The following IFT88 variants were observed in gnomAD, a reference collection of about 807,000 sequenced individuals.
IFT88 encodes the protein intraflagellar transport 88, also known as intraflagellar transport protein 88 homolog.
A neutral mutation model predicts 119.5 loss-of-function variants in IFT88; 74 were observed. The ratio of observed to expected loss-of-function variants is 0.62; its 90% confidence interval spans 0.51 to 0.75. The LOEUF (loss-of-function observed/expected upper bound fraction) is 0.75. Ranked by LOEUF, IFT88 falls within the 30% of genes least tolerant of loss-of-function variation. The probability of loss-of-function intolerance (pLI) is 0.00; values close to 1 mark genes in which losing one functional copy is unlikely to be tolerated. For missense variants in IFT88, 961 were observed against 977.7 expected (o/e 0.98, Z 0.23); for synonymous variants, 279 against 316.7 (o/e 0.88, Z 1.26).
rs550262697 is a variant in IFT88 at position 20,612,911 on chromosome 13, A to G, written c.1113-2882A>G. On this transcript the variant is annotated intron_variant, in intron 13 of 25. Transcript: ENST00000351808. ...TTCTCTTGCAAAAGAATGAAGTTGTACATCTCTTTCACACCATACACAAAA... is the reference window on the plus strand; with the variant it reads ...TTCTCTTGCAAAAGAATGAAGTTGTGCATCTCTTTCACACCATACACAAAA... 7.9e-4 allele frequency among the ~76,000 whole-genome samples: 121 copies of G among 152,330 alleles called. 1 individual carries two copies. Among genetic ancestry groups the G allele is most frequent in the African/African-American group, 2.9e-3 (119 of 41,576 alleles).
At chr13:20,595,794 C>T (rs1379214116) in intron 7 of IFT88, among the ~76,000 whole-genome samples, 1 of 152,000 alleles carries the variant, frequency 6.6e-6, no homozygotes, top group African/African-American at 2.4e-5. Flanking sequence ...AATCCCAGCA[C>T]TTTGGGAGGC....
At chr13:20,660,584 G>C (rs2053624196) in intron 22 of IFT88, among the ~76,000 whole-genome samples, 1 of 152,328 alleles carries the variant, frequency 6.6e-6, no homozygotes, top group South Asian at 2.1e-4. Context: ...TATTCACTTG[G>C]ACTAATGATT....
chr13:20,687,764 A>G (rs1213995270), intron 24 of IFT88, among the ~76,000 whole-genome samples: 1 of 152,228 alleles, frequency 6.6e-6, no homozygotes, highest in Non-Finnish European at 1.5e-5. Context: ...AGGAAAAAAT[A>G]AAATGAAAAA....
At chr13:20,620,635 G>A (rs148008126) in intron 14 of IFT88, among the ~76,000 whole-genome samples, 77 of 150,648 alleles carry the variant, frequency 5.1e-4, no homozygotes, top group African/African-American at 1.8e-3. Context: ...GCGCGATCTC[G>A]GCTCACTGCA....
At chr13:20,664,908 T>C (rs1215475925) in intron 23 of IFT88, among the ~76,000 whole-genome samples, 1 of 152,012 alleles carries the variant, frequency 6.6e-6, no homozygotes, top group Non-Finnish European at 1.5e-5. Context: ...TGAAACTCTG[T>C]CTCTACTAAA....
At chr13:20,640,747 T>C (rs925680425) in intron 17 of IFT88, among the ~76,000 whole-genome samples, 40 of 152,154 alleles carry the variant, frequency 2.6e-4, no homozygotes, top group African/African-American at 8.9e-4. Context: ...ATTGGTCTGT[T>C]TGTCTATTCC....
chr13:20,648,279 C>T (rs1566345789), intron 20 of IFT88, among the ~76,000 whole-genome samples: 1 of 152,080 alleles, frequency 6.6e-6, no homozygotes, highest in Non-Finnish European at 1.5e-5. Flanking sequence ...GCCTATAGTC[C>T]CAGCTACTCA....
chr13:20,681,644 T>C (rs2057331624), intron 24 of IFT88, among the ~76,000 whole-genome samples: 1 of 152,206 alleles, frequency 6.6e-6, no homozygotes, highest in Non-Finnish European at 1.5e-5. Context: ...ATGAGTAATG[T>C]AAAAAGAGTG....
In IFT88 at chr13:20,599,434, A is replaced by C; in HGVS notation, c.698-17A>C. 1 of 913,896 alleles carries C rather than the reference A, an allele frequency of 1.1e-6. No individual in the cohort carries two copies. Among genetic ancestry groups the C allele is most frequent in the South Asian group, 1.5e-5 (1 of 64,836 alleles). The allele number at this position is 913,896 out of a possible 1,614,324, so 56.6% of individuals were successfully genotyped here. ...AAAATGAGAGTATTATACATTCATT[A>C]AATTTTTTTAAATTAGGAATATTGA... On this transcript the variant is annotated splice_polypyrimidine_tract_variant and intron_variant, in intron 10 of 25. Transcript: ENST00000351808.
chr13:20,589,712 T>C (rs372991688), intron 3 of IFT88, 99 bp from the exon 4 acceptor site: 9 of 536,324 alleles, frequency 1.7e-5, no homozygotes, highest in African/African-American at 9.5e-5. Context: ...TATATAAATA[T>C]TTCTTTATTT....
chr13:20,596,444 A>G (rs2041654266), intron 8 of IFT88, among the ~76,000 whole-genome samples: 1 of 152,128 alleles, frequency 6.6e-6, no homozygotes, highest in African/African-American at 2.4e-5. Context: ...GTAATTTTTG[A>G]CATTGGCCTT....
chr13:20,635,702 C>T (rs2048921509), intron 16 of IFT88, among the ~76,000 whole-genome samples: 1 of 152,052 alleles, frequency 6.6e-6, no homozygotes, highest in Non-Finnish European at 1.5e-5. Flanking sequence ...GGGAGGAGAG[C>T]ATCATACACC....
chr13:20,668,440 G>A (rs2055149798), intron 23 of IFT88, among the ~76,000 whole-genome samples: 1 of 152,014 alleles, frequency 6.6e-6, no homozygotes, highest in African/African-American at 2.4e-5. Flanking sequence ...CTAAGGTTTT[G>A]ATAAATGTTT....
At chr13:20,671,316 T>A (rs1035054866) in intron 24 of IFT88, among the ~76,000 whole-genome samples, 2 of 152,236 alleles carry the variant, frequency 1.3e-5, no homozygotes, top group Admixed American at 1.3e-4. Flanking sequence ...TTGGACAGAT[T>A]ATCATAGATG....
chr13:20,579,820 T>G (rs2038185583), intron 2 of IFT88, among the ~76,000 whole-genome samples: 1 of 152,132 alleles, frequency 6.6e-6, no homozygotes. Context: ...TACTACCTGG[T>G]TATTGCTGCT....
intron 9 of IFT88, among the ~76,000 whole-genome samples, chr13:20,597,466 C>T (rs1046631287): frequency 3.6e-4 from 54 of 152,052 alleles, no homozygotes; most frequent in Middle Eastern, 3.4e-3. Flanking sequence ...AATATGTAGC[C>T]GGGTGCCGTG....
intron 9 of IFT88, 31 bp downstream of exon 9, chr13:20,597,150 A>G: frequency 2.3e-6 from 3 of 1,333,082 alleles, no homozygotes; most frequent in Non-Finnish European, 3.1e-6. Flanking sequence ...CAATTTTTAA[A>G]TAAAATTTTG....
In IFT88 at chr13:20,643,583, A is replaced by G; in HGVS notation, c.1811A>G (p.Gln604Arg). ...ELYDREGDKS[Q>R]AFQYYYESYR... ...TATGATCGTGAAGGAGATAAATCTC[A>G]AGCATTTCAATATTACTATGAGGTA... is the stretch of plus-strand genomic sequence containing the variant. Residue 604 changes from glutamine to arginine, a missense_variant, in exon 19 of 26, where the codon CAA (glutamine) becomes CGA (arginine). Physicochemically the swap from Gln to Arg is conservative, Grantham distance 43. Coordinates refer to ENST00000351808, the MANE Select transcript of IFT88 (RefSeq NM_006531.5). 1 of 1,602,568 alleles carries G rather than the reference A, an allele frequency of 6.2e-7. No homozygotes were observed. Among genetic ancestry groups the G allele is most frequent in the Non-Finnish European group, 8.5e-7 (1 of 1,172,728 alleles).
intron 1 of IFT88, among the ~76,000 whole-genome samples, chr13:20,570,621 T>A (rs1189638111): frequency 6.6e-6 from 1 of 152,220 alleles, no homozygotes; most frequent in African/African-American, 2.4e-5. Context: ...AGGCTACATA[T>A]TGTGTAATTT....
Sources: allele counts gnomAD v4.1 joint callset (sites outside exome capture counted in the v4.1 genomes callset), GRCh38; gene constraint gnomAD v4.1.1; transcripts MANE v1.5; gene names NCBI Gene and HGNC (gene_info 2026-07-23, HGNC 2026-07-21).